The following ZFYVE26 variants were observed in gnomAD, a reference collection of about 807,000 sequenced individuals.
ZFYVE26 encodes zinc finger FYVE-type containing 26.
ZFYVE26 carries 181 observed loss-of-function variants against 276.5 expected under a neutral mutation model. The observed-to-expected ratio is 0.65, with a 90% CI of 0.58 to 0.74. The LOEUF is 0.74. Ranked by LOEUF, ZFYVE26 falls within the 30% of genes least tolerant of loss-of-function variation. The pLI is 0.00. For missense variants in ZFYVE26, 2,821 were observed against 3,097.9 expected, an observed-to-expected ratio of 0.91 and a Z score of 2.12; for synonymous variants, 1,129 against 1,203.1, an observed-to-expected ratio of 0.94 and a Z score of 1.27.
At chr14:67,790,029 G>A (rs897669663) in intron 15 of ZFYVE26, among the ~76,000 whole-genome samples, 1 of 152,248 alleles carries the variant, frequency 6.6e-6, no homozygotes, top group Non-Finnish European at 1.5e-5. Flanking sequence ...GAAGCAATAT[G>A]TGATGGTACC....
At position 67,733,732 on chromosome 14, in the gene ZFYVE26, TC is replaced by T. The variant is rs2038315394; in HGVS notation, n.2680-3914del. ...TCTCATTCCTGGAATTTACTGTCTTTCTCTGCCCTCCAGTGACTGCAAGAGG... is the reference window on the plus strand; with the variant it reads ...TCTCATTCCTGGAATTTACTGTCTTTTCTGCCCTCCAGTGACTGCAAGAGG... On this transcript the variant is annotated intron_variant and non_coding_transcript_variant, in intron 13 of 14. Transcript: ENST00000394455. 6.3e-6 allele frequency: 10 copies of T among 1,582,040 alleles called. No individual in the cohort carries two copies. Among genetic ancestry groups the T allele is most frequent in the Non-Finnish European group, 6.9e-6 (8 of 1,151,314 alleles).
intron 13 of ZFYVE26, among the ~76,000 whole-genome samples, chr14:67,736,792 T>C (rs2038358097): frequency 6.6e-6 from 1 of 152,108 alleles, no homozygotes. Flanking sequence ...TTGGTATCTA[T>C]AGGGGAGTGA....
intron 9 of ZFYVE26, among the ~76,000 whole-genome samples, chr14:67,803,498 C>T (rs557144835): frequency 2.6e-5 from 4 of 151,790 alleles, no homozygotes; most frequent in African/African-American, 9.7e-5. Flanking sequence ...CGCACCACCA[C>T]ACCCGGCTAA....
rs562346913 is a variant in ZFYVE26, at chr14:67,811,963, T to C, written c.273+2023A>G. Among the ~76,000 whole-genome samples, 4 of 148,558 alleles carry C rather than the reference T, an allele frequency of 2.7e-5. No homozygotes were observed. In the East Asian group the frequency reaches 7.8e-4, roughly 29 times the overall value. ...GAAATATATTACATATAACATATTA[T>C]ATATGAAATATATATTTTATATATA... On this transcript the variant is annotated intron_variant, in intron 3 of 41. Coordinates refer to ENST00000347230, the MANE Select transcript of ZFYVE26 (RefSeq NM_015346.4).
intron 3 of ZFYVE26, among the ~76,000 whole-genome samples, chr14:67,811,713 G>A (rs1224462721): frequency 6.6e-6 from 1 of 150,816 alleles, no homozygotes; most frequent in Non-Finnish European, 1.5e-5. Context: ...TTATCCTAGA[G>A]AGAGATATGT....
intron 13 of ZFYVE26, among the ~76,000 whole-genome samples, chr14:67,731,347 T>C (rs2075315923): frequency 6.6e-6 from 1 of 151,518 alleles, no homozygotes; most frequent in Non-Finnish European, 1.5e-5. Flanking sequence ...CCCGAGTAGC[T>C]GGGATTACAG....
intron 13 of ZFYVE26, among the ~76,000 whole-genome samples, chr14:67,731,076 AAATG>A (rs1477273280): frequency 3.3e-5 from 5 of 152,214 alleles, no homozygotes; most frequent in East Asian, 1.9e-4. Context: ...TTAACTCAAT[AAATG>A]AATGTGTAAT....
rs146535202 is a variant in ZFYVE26 at position 67,783,470 on chromosome 14, C to T, written c.3682G>A (p.Val1228Ile). Reference protein sequence around the residue: ...NLSLSVPQVIVSCCCEPLALC... With the variant: ...NLSLSVPQVIISCCCEPLALC... ...GCAAGGGGCTCACAGCAGCAGCTGA[C>T]GATGACCTGTGGCACACTTAGGCTG... is the stretch of plus-strand genomic sequence containing the variant. The change falls in exon 21 of 42, where the codon GTC becomes ATC. Residue 1228 changes from valine to isoleucine, a missense_variant. Val to Ile is a conservative substitution (Grantham distance 29). Coordinates refer to ENST00000347230, the MANE Select transcript of ZFYVE26 (RefSeq NM_015346.4). 65 of 1,613,960 alleles carry T rather than the reference C, an allele frequency of 4.0e-5. No homozygotes were observed. The African/African-American group carries it at 5.6e-4, about 14-fold the overall frequency.
rs1245003316 is a variant in ZFYVE26, at chr14:67,798,554, G to C, written c.1708C>G (p.Leu570Val). ...ATGTTTTCCAGAAGCTCCAGGCACAGAGAGTCAGGAATACTGCACAGATAC... is the reference window on the plus strand; with the variant it reads ...ATGTTTTCCAGAAGCTCCAGGCACACAGAGTCAGGAATACTGCACAGATAC... ...QQYLCSIPDS[L>V]CLELLENIFS... Residue 570 changes from leucine to valine, a missense_variant, in exon 11 of 42, where the codon CTG becomes GTG. By Grantham distance (32) the Leu-to-Val change is conservative (BLOSUM62 1). Transcript: ENST00000347230. 8.7e-6 allele frequency: 14 copies of C among 1,614,068 alleles called. No individual in the cohort carries two copies. Among genetic ancestry groups the C allele is most frequent in the Non-Finnish European group, 1.2e-5 (14 of 1,180,044 alleles).
At chr14:67,750,165 C>A (rs1460488145) in intron 41 of ZFYVE26, among the ~76,000 whole-genome samples, 5 of 152,206 alleles carry the variant, frequency 3.3e-5, no homozygotes, top group Non-Finnish European at 5.9e-5. Context: ...AAAAGTAATT[C>A]TCTACATTTC....
chr14:67,776,044 C>T lies in ZFYVE26; in HGVS notation c.5037G>A (p.Leu1679=), dbSNP rs1487783847. Residue 1679 remains leucine (L), a synonymous_variant, in exon 26 of 42, where the codon CTG becomes CTA. Coordinates refer to ENST00000347230, the MANE Select transcript of ZFYVE26 (RefSeq NM_015346.4). ...ASYSHLSSNP[L]FMLEQLLMNM... is the part of the protein sequence containing the mutation. Reference sequence around the variant, plus strand: ...TCATAAGCAGCTGCTCCAGCATGAACAGGGGGTTAGAGGACAAGTGGGAAT... The same window carrying T: ...TCATAAGCAGCTGCTCCAGCATGAATAGGGGGTTAGAGGACAAGTGGGAAT... 5 of 1,614,120 alleles carry T rather than the reference C, an allele frequency of 3.1e-6. No homozygotes were observed. The highest frequency in any genetic ancestry group is 3.4e-6 in the Non-Finnish European group (4 of 1,180,048).
Position 67,761,460 on chromosome 14 carries a change from A to C in ZFYVE26, c.6494T>G (p.Phe2165Cys). 6.2e-7 allele frequency: 1 copy of C among 1,614,208 alleles called. No homozygotes were observed. The highest frequency in any genetic ancestry group is 1.1e-5 in the South Asian group (1 of 91,076). The part of the protein sequence containing the change: ...MNNTYYQECL[F>C]YLHNYSTNLA... ...GTTGGTGCTATAGTTGTGCAGGTAG[A>C]AGAGGCATTCCTGGTAGTAGGTGTT... Residue 2165 changes from phenylalanine to cysteine, a missense_variant, in exon 35 of 42, where the codon TTC becomes TGC. By Grantham distance (205) the Phe-to-Cys change is radical (BLOSUM62 -2). Coordinates refer to ENST00000347230, the MANE Select transcript of ZFYVE26 (RefSeq NM_015346.4).
At chr14:67,814,520 AAAACAAAC>A (rs201267729) in intron 2 of ZFYVE26, among the ~76,000 whole-genome samples, 7,771 of 151,078 alleles carry the variant, frequency 0.051, 400 homozygotes, top group African/African-American at 0.13. Context: ...CTCTGTCTCC[AAAACAAAC>A]AAACAAACAA....
intron 35 of ZFYVE26, chr14:67,760,727 C>T (rs11625742): frequency 0.93 from 153,177 of 165,372 alleles, 71,373 homozygotes; most frequent in Non-Finnish European, 0.98. Flanking sequence ...GTCCCCATCT[C>T]GAAAAAACAA....
At chr14:67,813,000 A>G (rs1253729511) in intron 3 of ZFYVE26, among the ~76,000 whole-genome samples, 2 of 152,144 alleles carry the variant, frequency 1.3e-5, no homozygotes, top group African/African-American at 4.8e-5. Flanking sequence ...TCTTTCCTAA[A>G]CAACTGGCTA....
In ZFYVE26 at chr14:67,764,375, G is replaced by A. The variant is rs549564765; in HGVS notation, c.6012-1556C>T. ...TATTTGGGAAATGAAAACATTTGTA[G>A]TAGGTGGTGAGTTTATTTTTATGTT... On this transcript the variant is annotated intron_variant, in intron 32 of 41. Coordinates refer to ENST00000347230, the MANE Select transcript of ZFYVE26 (RefSeq NM_015346.4). Among the ~76,000 whole-genome samples, 9 of 152,276 alleles carry A rather than the reference G, an allele frequency of 5.9e-5. No homozygotes were observed. In the South Asian group the frequency reaches 1.9e-3, roughly 32 times the overall value.
In ZFYVE26 at chr14:67,733,806, A is replaced by G. The variant is rs768677113; in HGVS notation, n.2680-3987T>C. The G allele has an allele frequency of 7.4e-6, 12 of 1,613,196 alleles. No homozygotes were observed. Among genetic ancestry groups the G allele is most frequent in the African/African-American group, 1.3e-5 (1 of 74,912 alleles). ...GAAATAACAAAACAGCTGAGCGCCT[A>G]TGGAATGTCAGCTGTGAGCTTCTAG... On this transcript the variant is annotated intron_variant and non_coding_transcript_variant, in intron 13 of 14. Transcript: ENST00000394455.
At chr14:67,813,092 A>G (rs1311508658) in intron 3 of ZFYVE26, among the ~76,000 whole-genome samples, 1 of 152,240 alleles carries the variant, frequency 6.6e-6, no homozygotes. Context: ...ATATCATGCA[A>G]AAGTGGAACC....
In ZFYVE26 at chr14:67,767,757, C is replaced by T; in HGVS notation, c.5737G>A (p.Asp1913Asn). ...PKADEVEWILDLKEEENELVR... is the reference protein window; with the variant it reads ...PKADEVEWILNLKEEENELVR... ...AGCTCATTTTCCTCCTCTTTGAGAT[C>T]CAAAATCCATTCCACCTCATCTGCT... The change falls in exon 31 of 42, where the codon GAT (aspartate) becomes AAT (asparagine). Residue 1913 changes from aspartate (D) to asparagine (N), a missense_variant. Asp to Asn is a conservative substitution (Grantham distance 23). Coordinates refer to ENST00000347230, the MANE Select transcript of ZFYVE26 (RefSeq NM_015346.4). The T allele has an allele frequency of 6.2e-7, 1 of 1,614,168 alleles. No homozygotes were observed. The highest frequency in any genetic ancestry group is 1.1e-5 in the South Asian group (1 of 91,082).
Sources: gnomAD v4.1 joint callset for allele counts (sites outside exome capture counted in the v4.1 genomes callset) on GRCh38, gnomAD v4.1.1 for gene constraint, MANE v1.5 for transcripts, NCBI Gene and HGNC (gene_info 2026-07-23, HGNC 2026-07-21) for gene names.